HYDIN: variants seen among roughly 807,000 people sequenced by gnomAD.
HYDIN encodes the protein HYDIN axonemal central pair apparatus protein.
HYDIN carries 132 observed loss-of-function variants against 403.9 expected under a neutral mutation model. That is an observed-to-expected ratio of 0.33 (90% CI 0.28 to 0.38). The LOEUF is 0.38. Ranked by LOEUF, HYDIN falls within the 10% of genes least tolerant of loss-of-function variation. The pLI, the probability that HYDIN is intolerant of heterozygous loss-of-function variation, is 1.00. For synonymous variants in HYDIN, 1,202 were observed against 1,891.7 expected (o/e 0.64, Z 9.46); for missense variants, 2,827 against 5,009.5 (o/e 0.56, Z 13.15).
At chr16:70,841,102 CAACTT>C in intron 75 of HYDIN, among the ~76,000 whole-genome samples, 1 of 151,564 alleles carries the variant, frequency 6.6e-6, no homozygotes, top group East Asian at 1.9e-4. Flanking sequence ...CTATCATAAA[CAACTT>C]TATACATTTA....
At chr16:70,821,516 T>G (rs536907604) in intron 83 of HYDIN, among the ~76,000 whole-genome samples, 1 of 151,806 alleles carries the variant, frequency 6.6e-6, no homozygotes, top group Non-Finnish European at 1.5e-5. Context: ...ACAGATAGCT[T>G]CCATTATTTC....
chr16:70,925,429 C>A (rs962261940), intron 45 of HYDIN, among the ~76,000 whole-genome samples: 34 of 152,232 alleles, frequency 2.2e-4, no homozygotes, highest in African/African-American at 7.7e-4. Flanking sequence ...TCAACTGGAT[C>A]CCTTCCTTAC....
intron 18 of HYDIN, among the ~76,000 whole-genome samples, chr16:71,047,800 G>A (rs543150067): frequency 8.7e-4 from 132 of 151,086 alleles, no homozygotes; most frequent in Non-Finnish European, 1.2e-3. Context: ...GATCAAATCA[G>A]GGTAATTAGC....
In HYDIN at chr16:70,833,893, C is replaced by T. The variant is rs1289897852; in HGVS notation, c.13673G>A (p.Gly4558Asp). 1.2e-6 allele frequency: 2 copies of T among 1,611,306 alleles called. No homozygotes were observed. The highest frequency in any genetic ancestry group is 1.7e-6 in the Non-Finnish European group (2 of 1,179,254). The change falls in exon 79 of 86, where the codon GGT becomes GAT. Residue 4558 changes from glycine to aspartate, a missense_variant. Coordinates refer to ENST00000393567, the MANE Select transcript of HYDIN (RefSeq NM_001270974.2). ...GGAGACACTGCTCCCTTACCTTGCA[C>T]CCACATCGCCTGTGTTCATCATGAG... is the stretch of plus-strand genomic sequence containing the variant. ...RILMMNTGDV[G>D]ARFKWDIKKF...
At chr16:70,846,976 T>C (rs2143566276) in intron 75 of HYDIN, among the ~76,000 whole-genome samples, 1 of 138,540 alleles carries the variant, frequency 7.2e-6, no homozygotes, top group South Asian at 2.7e-4. Context: ...AGCACACTGA[T>C]GGGTCTTGAC....
At chr16:70,975,340 C>G (rs2078856663) in intron 30 of HYDIN, 71 bp from the exon 31 acceptor site, 1 of 149,998 alleles carries the variant, frequency 6.7e-6, no homozygotes, top group East Asian at 1.6e-4. Context: ...ACAATACCAC[C>G]CCTAAAGAGG....
At chr16:71,204,678 A>C (rs1313849633) in intron 1 of HYDIN, among the ~76,000 whole-genome samples, 1 of 150,582 alleles carries the variant, frequency 6.6e-6, no homozygotes, top group African/African-American at 2.4e-5. Flanking sequence ...GCTGTCTGGC[A>C]TATAACAGGG....
rs1401032910 is a variant in HYDIN, at chr16:70,997,711, G to A, written c.3645-5501C>T. ...CACTGTAATTTACTCATCAGCAGGG[G>A]CAGAAGCCATGTCTGTCTGTCTCAC... is the stretch of plus-strand genomic sequence containing the variant. On this transcript the variant is annotated intron_variant, in intron 23 of 85. Coordinates refer to ENST00000393567, the MANE Select transcript of HYDIN (RefSeq NM_001270974.2). Among the ~76,000 whole-genome samples the A allele has an allele frequency of 2.0e-5, 3 of 149,890 alleles. No homozygotes were observed. The East Asian group carries it at 5.9e-4, about 30-fold the overall frequency.
At chr16:71,055,128 C>T (rs1411144149) in intron 18 of HYDIN, among the ~76,000 whole-genome samples, 1 of 152,294 alleles carries the variant, frequency 6.6e-6, no homozygotes, top group Non-Finnish European at 1.5e-5. Context: ...CTCCTTTCAC[C>T]ATTTCCAAGT....
At chr16:70,872,501 T>A (rs1476340214) in intron 64 of HYDIN, among the ~76,000 whole-genome samples, 2 of 143,982 alleles carry the variant, frequency 1.4e-5, no homozygotes, top group Non-Finnish European at 3.0e-5. Flanking sequence ...CATCCACCTA[T>A]CCATCACTCA....
At position 70,989,925 on chromosome 16, in the gene HYDIN, G is replaced by A. The variant is rs946210806; in HGVS notation, c.3864+1393C>T. Among the ~76,000 whole-genome samples, 17 of 152,140 alleles carry A rather than the reference G, an allele frequency of 1.1e-4. No homozygotes were observed. In the South Asian group the frequency reaches 2.3e-3, roughly 20 times the overall value. ...AGATTAAATTCCAGAGATATTCCAC[G>A]CACAAGCAAAGATATCTATGTAACT... is the stretch of plus-strand genomic sequence containing the variant. On this transcript the variant is annotated intron_variant, in intron 25 of 85. Coordinates refer to ENST00000393567, the MANE Select transcript of HYDIN (RefSeq NM_001270974.2).
chr16:70,932,092 C>T (rs1033215408), intron 45 of HYDIN, among the ~76,000 whole-genome samples: 2 of 137,050 alleles, frequency 1.5e-5, no homozygotes, highest in African/African-American at 5.4e-5. Context: ...CAGTGGCTCA[C>T]ACCTGTAATC....
intron 23 of HYDIN, among the ~76,000 whole-genome samples, chr16:70,992,417 C>G (rs900693172): frequency 3.6e-5 from 5 of 137,510 alleles, no homozygotes; most frequent in African/African-American, 1.5e-4. Flanking sequence ...TTTCTGACTA[C>G]CAGTCTAGGC....
chr16:70,942,609 G>C (rs2077717774), intron 42 of HYDIN, among the ~76,000 whole-genome samples: 1 of 152,278 alleles, frequency 6.6e-6, no homozygotes, highest in Non-Finnish European at 1.5e-5. Flanking sequence ...GTAGCCCATA[G>C]ACTGGCCACC....
chr16:71,225,095 G>A (rs1026507731), intron 1 of HYDIN, among the ~76,000 whole-genome samples: 3 of 152,204 alleles, frequency 2.0e-5, no homozygotes, highest in Admixed American at 6.5e-5. Context: ...CCTAAAAAGC[G>A]AGGGCCAGAT....
rs2036619429 is a variant in HYDIN at position 70,826,736 on chromosome 16, TC to T, written c.14427+524del. ...CTCTCTCTCTCTCTCTCTCTCTCTC[TC>T]TCTCTCTCTGTGTGTGTGTTCCTAG... On this transcript the variant is annotated intron_variant, in intron 83 of 85. Coordinates refer to ENST00000393567, the MANE Select transcript of HYDIN (RefSeq NM_001270974.2). 4.1e-5 allele frequency among the ~76,000 whole-genome samples: 6 copies of T among 147,676 alleles called. No individual in the cohort carries two copies. The South Asian group carries it at 1.2e-3, about 31-fold the overall frequency.
chr16:71,203,714 C>T (rs2088144221), intron 1 of HYDIN: 1 of 455,786 alleles, frequency 2.2e-6, no homozygotes. Context: ...TTGAATATGA[C>T]CAGCACATAC....
Position 70,974,452 on chromosome 16 carries a change from C to T in HYDIN, c.4909+82G>A, listed in dbSNP as rs1055362171. ...TTAGCTGATCCCAGAGGCACAAAAGCTGCTCCAGGAGGACAGTACTGATGG... is the reference window on the plus strand; with the variant it reads ...TTAGCTGATCCCAGAGGCACAAAAGTTGCTCCAGGAGGACAGTACTGATGG... On this transcript the variant is annotated intron_variant, in intron 32 of 85. Coordinates refer to ENST00000393567, the MANE Select transcript of HYDIN (RefSeq NM_001270974.2). The T allele has an allele frequency of 1.8e-4, 255 of 1,392,008 alleles. 2 individuals are homozygous for T. Among genetic ancestry groups the T allele is most frequent in the Non-Finnish European group, 2.3e-4 (235 of 1,035,962 alleles). The allele number at this position is 1,392,008 out of a possible 1,614,324, so 86.2% of individuals were successfully genotyped here.
At chr16:71,203,706 G>C in intron 1 of HYDIN, 1 of 455,530 alleles carries the variant, frequency 2.2e-6, no homozygotes, top group Non-Finnish European at 4.4e-6. Flanking sequence ...TCTCACATTT[G>C]AATATGACCA....
Sources: gnomAD v4.1 joint callset for allele counts (sites outside exome capture counted in the v4.1 genomes callset) on GRCh38, gnomAD v4.1.1 for gene constraint, MANE v1.5 for transcripts, NCBI Gene and HGNC (gene_info 2026-07-23, HGNC 2026-07-21) for gene names.